The following PARD3B variants were observed in gnomAD, a reference collection of about 807,000 sequenced individuals.
The protein encoded by PARD3B is par-3 family cell polarity regulator beta, also known as partitioning defective 3 homolog B.
PARD3B carries 103 observed loss-of-function variants against 130.2 expected under a neutral mutation model. The observed-to-expected ratio is 0.79, with a 90% CI of 0.67 to 0.93. The LOEUF (loss-of-function observed/expected upper bound fraction) is 0.93, where lower values mean the gene tolerates loss of function less well. PARD3B is among the 40% of genes least tolerant of loss of function. The pLI, the probability that PARD3B is intolerant of heterozygous loss-of-function variation, is 0.00. For synonymous variants in PARD3B, 583 were observed against 553.2 expected (o/e 1.05, Z -0.76); for missense variants, 1,609 against 1,499.2 (o/e 1.07, Z -1.21).
chr2:204,626,614 A>G (rs773343106), intron 1 of PARD3B, among the ~76,000 whole-genome samples: 2 of 152,144 alleles, frequency 1.3e-5, no homozygotes, highest in Admixed American at 6.6e-5. Flanking sequence ...AAGCTCTGAA[A>G]CAAAATTCTA....
intron 2 of PARD3B, among the ~76,000 whole-genome samples, chr2:204,945,314 G>A (rs1029214137): frequency 6.6e-6 from 1 of 152,132 alleles, no homozygotes; most frequent in East Asian, 1.9e-4. Flanking sequence ...GTTCAGGTCC[G>A]GGAGATGAAA....
At chr2:205,025,682 C>T (rs1009355475) in intron 3 of PARD3B, among the ~76,000 whole-genome samples, 1 of 151,982 alleles carries the variant, frequency 6.6e-6, no homozygotes, top group South Asian at 2.1e-4. Flanking sequence ...TATCGGTGGT[C>T]TGGGTTCCTG....
At chr2:204,971,364 T>G (rs1235344274) in intron 3 of PARD3B, among the ~76,000 whole-genome samples, 4 of 152,200 alleles carry the variant, frequency 2.6e-5, no homozygotes, top group Non-Finnish European at 5.9e-5. Context: ...GTTATGCTTC[T>G]GATGAAGCCT....
chr2:205,113,179 G>A (rs1703763788), intron 5 of PARD3B, among the ~76,000 whole-genome samples: 1 of 152,090 alleles, frequency 6.6e-6, no homozygotes, highest in Non-Finnish European at 1.5e-5. Flanking sequence ...TAATTTTTGT[G>A]TACCTCTTTT....
intron 3 of PARD3B, among the ~76,000 whole-genome samples, chr2:205,009,501 C>A (rs575460282): frequency 7.2e-4 from 110 of 151,798 alleles, no homozygotes; most frequent in African/African-American, 2.5e-3. Flanking sequence ...GAAACCCTGT[C>A]TCTACTAAAA....
intron 20 of PARD3B, among the ~76,000 whole-genome samples, chr2:205,443,226 C>T (rs1195859339): frequency 6.6e-6 from 1 of 152,174 alleles, no homozygotes; most frequent in East Asian, 1.9e-4. Flanking sequence ...AGAAGAGTTG[C>T]TATGGCAGTT....
At chr2:204,578,805 T>C (rs957132457) in intron 1 of PARD3B, among the ~76,000 whole-genome samples, 2 of 152,126 alleles carry the variant, frequency 1.3e-5, no homozygotes, top group African/African-American at 2.4e-5. Flanking sequence ...TCTTGAACTA[T>C]GCACTCTACT....
At chr2:205,080,983 C>T (rs752843952) in intron 4 of PARD3B, among the ~76,000 whole-genome samples, 4 of 151,948 alleles carry the variant, frequency 2.6e-5, no homozygotes, top group Non-Finnish European at 5.9e-5. Context: ...CATCTCCCTC[C>T]TCTCTCTCAT....
Position 205,440,136 on chromosome 2 carries a change from T to C in PARD3B, c.2742-234T>C, listed in dbSNP as rs541421640. 6.6e-6 allele frequency among the ~76,000 whole-genome samples: 1 copy of C among 152,242 alleles called. No homozygotes were observed. The highest frequency in any genetic ancestry group is 2.1e-4 in the South Asian group (1 of 4,822). ...TCAGCCTAGTCATCAGTGGGCAAGA[T>C]ATCAAAATACCCATAGCATTGCTAT... On this transcript the variant is annotated intron_variant, in intron 19 of 22. Transcript: ENST00000406610. This position sits in a 1 kb window ranked among gnomAD's most constrained non-coding sequence, Gnocchi z 4.2.
chr2:205,103,548 T>C (rs1322102461), intron 4 of PARD3B: 1 of 189,310 alleles, frequency 5.3e-6, no homozygotes, highest in Non-Finnish European at 9.8e-6. Flanking sequence ...ATGCTGTTTA[T>C]AAGTGTGGGT....
At chr2:204,691,529 G>A (rs551376792) in intron 2 of PARD3B, among the ~76,000 whole-genome samples, 1 of 152,124 alleles carries the variant, frequency 6.6e-6, no homozygotes, top group East Asian at 1.9e-4. Context: ...CAGTCCTTGG[G>A]CAAGCTTCTT....
intron 1 of PARD3B, among the ~76,000 whole-genome samples, chr2:204,616,853 G>A (rs1178157659): frequency 6.6e-6 from 1 of 152,194 alleles, no homozygotes; most frequent in African/African-American, 2.4e-5. Context: ...AACTGAAAGT[G>A]GCAGGAACAT....
chr2:205,150,229 G>GTT (rs2033651438), intron 10 of PARD3B, among the ~76,000 whole-genome samples: 1 of 120,058 alleles, frequency 8.3e-6, no homozygotes, highest in African/African-American at 3.1e-5. Flanking sequence ...GTGTGTGTGT[G>GTT]TGTGTGTGTG....
chr2:204,567,014 GATTAC>G (rs1216519013), intron 1 of PARD3B, among the ~76,000 whole-genome samples: 2 of 152,014 alleles, frequency 1.3e-5, no homozygotes, highest in African/African-American at 4.8e-5. Flanking sequence ...AAGCAGCTGG[GATTAC>G]AGGTGCCCAC....
chr2:204,613,462 A>C (rs1345297937), intron 1 of PARD3B, among the ~76,000 whole-genome samples: 1 of 152,106 alleles, frequency 6.6e-6, no homozygotes, highest in Non-Finnish European at 1.5e-5. Flanking sequence ...GTAGATTTTC[A>C]GTTTTGGGAA....
At chr2:204,828,506 C>A (rs1024301804) in intron 2 of PARD3B, among the ~76,000 whole-genome samples, 9 of 152,078 alleles carry the variant, frequency 5.9e-5, no homozygotes, top group African/African-American at 2.2e-4. Flanking sequence ...TACCATAGTC[C>A]GGGGAATTGT....
chr2:204,948,063 T>C (rs1171183001), intron 2 of PARD3B, among the ~76,000 whole-genome samples: 1 of 152,222 alleles, frequency 6.6e-6, no homozygotes, highest in Non-Finnish European at 1.5e-5. Flanking sequence ...GAATACTTCC[T>C]GTTGTAAGGT....
chr2:205,136,640 C>G (rs1263910745), intron 10 of PARD3B, among the ~76,000 whole-genome samples: 1 of 152,178 alleles, frequency 6.6e-6, no homozygotes. Context: ...AGACCCTTGA[C>G]TTCCCACTGG....
chr2:205,439,259 C>T (rs893053355), intron 19 of PARD3B, among the ~76,000 whole-genome samples: 2 of 152,098 alleles, frequency 1.3e-5, no homozygotes, highest in Admixed American at 6.6e-5. Context: ...TAGCCCACAG[C>T]CCTCTTATAT....
Sources: gnomAD v4.1 joint callset for allele counts (sites outside exome capture counted in the v4.1 genomes callset) on GRCh38, gnomAD v4.1.1 for gene constraint, Gnocchi (gnomAD v3.1) non-coding constraint, MANE v1.5 for transcripts, NCBI Gene and HGNC (gene_info 2026-07-23, HGNC 2026-07-21) for gene names.